MAP7D2: variants seen among roughly 807,000 people sequenced by gnomAD.
MAP7D2 encodes MAP7 domain containing 2.
A neutral mutation model predicts 63.5 loss-of-function variants in MAP7D2; 33 were observed. The observed-to-expected ratio is 0.52, with a 90% CI of 0.39 to 0.70. The LOEUF is 0.70. Among genes scored for constraint, MAP7D2 ranks in the 30% least tolerant of loss-of-function variants. The pLI is 0.00. For synonymous variants in MAP7D2, 224 were observed against 223.7 expected, an observed-to-expected ratio of 1.00 and a Z score of -0.01; for missense variants, 626 against 604.0, an observed-to-expected ratio of 1.04 and a Z score of -0.38.
At chrX:20,082,660 G>A (rs1450414404) in intron 1 of MAP7D2, among the ~76,000 whole-genome samples, 1 of 111,823 alleles carries the variant, frequency 8.9e-6, no homozygotes, top group African/African-American at 3.3e-5. Flanking sequence ...ACGGAGTCTC[G>A]CACTGTTGTC....
chrX:20,016,067 A>C (rs753847613), intron 11 of MAP7D2, 27 bp downstream of exon 11: 51 of 1,152,986 alleles, frequency 4.4e-5, no homozygotes, highest in Middle Eastern at 2.4e-4. Context: ...AAAACAAGTA[A>C]AGTCCATCTG....
chrX:20,107,251 G>A (rs1426361398), intron 1 of MAP7D2, among the ~76,000 whole-genome samples: 1 of 110,785 alleles, frequency 9.0e-6, no homozygotes, highest in Non-Finnish European at 1.9e-5. Context: ...AGGAAAGTGT[G>A]GTTAAGGGAG....
chrX:20,076,719 G>T (rs1433255805), intron 1 of MAP7D2, among the ~76,000 whole-genome samples: 1 of 109,556 alleles, frequency 9.1e-6, no homozygotes, highest in Non-Finnish European at 1.9e-5. Flanking sequence ...AAAAAAAATT[G>T]TATACAGATG....
intron 1 of MAP7D2, 57 bp from the exon 2 acceptor site, chrX:20,064,862 A>T (rs934890507): frequency 3.8e-6 from 4 of 1,053,926 alleles, no homozygotes; most frequent in Non-Finnish European, 5.3e-6. Context: ...CTATCTGCTA[A>T]GTACTATAGG....
chrX:20,014,884 T>C (rs930092211), intron 12 of MAP7D2, among the ~76,000 whole-genome samples: 3 of 110,096 alleles, frequency 2.7e-5, no homozygotes, highest in African/African-American at 9.9e-5. Context: ...ACCCAGCTAT[T>C]TTTTGTATTT....
rs1293780589 is a variant in MAP7D2 at position 20,011,198 on chromosome X, T to C, written c.2073-146A>G. 1.2e-5 allele frequency: 7 copies of C among 576,901 alleles called. No homozygotes were observed. The Admixed American group carries it at 2.9e-4, about 24-fold the overall frequency. The allele number at this position is 576,901 out of a possible 1,213,427, so 47.5% of individuals were successfully genotyped here. On this transcript the variant is annotated intron_variant, in intron 15 of 16. Transcript: ENST00000379643. ...GTCAGAGTTTTTGTGTAACACACTG[T>C]AAAAAATACAAGTGGGCTCAAATCT...
chrX:20,054,417 A>G (rs2065021844), intron 4 of MAP7D2, among the ~76,000 whole-genome samples: 1 of 111,436 alleles, frequency 9.0e-6, no homozygotes, highest in African/African-American at 3.3e-5. Context: ...TTTTGCATTA[A>G]TTTGGATTTT....
At chrX:20,109,853 T>C (rs1310150643) in intron 1 of MAP7D2, among the ~76,000 whole-genome samples, 2 of 109,945 alleles carry the variant, frequency 1.8e-5, no homozygotes, top group African/African-American at 6.6e-5. Flanking sequence ...CTGGCCAACA[T>C]GGTGAAACCC....
rs140911063 is a variant in MAP7D2, at chrX:20,080,187, T to A, written c.131-15382A>T. Among the ~76,000 whole-genome samples, 673 of 110,700 alleles carry A rather than the reference T, an allele frequency of 6.1e-3. 6 individuals carry two copies. Among genetic ancestry groups the A allele is most frequent in the African/African-American group, 0.021 (648 of 30,446 alleles). On this transcript the variant is annotated intron_variant, in intron 1 of 16. Transcript: ENST00000379643. ...CATGATTTGCTAGTTAAAAGAAACC[T>A]ATACAGCTAAGCTCAGGGCTCCCTA...
intron 1 of MAP7D2, among the ~76,000 whole-genome samples, chrX:20,112,335 C>T (rs768986292): frequency 8.9e-6 from 1 of 111,992 alleles, no homozygotes; most frequent in African/African-American, 3.3e-5. Flanking sequence ...TGCATGCATG[C>T]GGCTCACTCA....
At chrX:20,055,426 AGAT>A (rs2065045809) in intron 4 of MAP7D2, among the ~76,000 whole-genome samples, 1 of 111,935 alleles carries the variant, frequency 8.9e-6, no homozygotes, top group Non-Finnish European at 1.9e-5. Flanking sequence ...TGTCTACAAC[AGAT>A]GATGAAGAGA....
At chrX:20,085,663 G>C (rs1292105008) in intron 1 of MAP7D2, among the ~76,000 whole-genome samples, 2 of 112,375 alleles carry the variant, frequency 1.8e-5, no homozygotes. Context: ...CTAAATGTAA[G>C]AAACAAAGAT....
intron 8 of MAP7D2, among the ~76,000 whole-genome samples, chrX:20,039,893 G>A (rs2064603586): frequency 9.2e-6 from 1 of 108,626 alleles, no homozygotes; most frequent in Non-Finnish European, 1.9e-5. Flanking sequence ...CAGCTACTCG[G>A]GAGGCTGAGG....
intron 1 of MAP7D2, among the ~76,000 whole-genome samples, chrX:20,091,534 G>A (rs991692304): frequency 3.6e-5 from 4 of 109,794 alleles, no homozygotes; most frequent in Admixed American, 1.9e-4. Flanking sequence ...GCCAGGCATG[G>A]TGGTAGCATT....
At position 20,036,035 on chromosome X, in the gene MAP7D2, C is replaced by T. The variant is rs987125741; in HGVS notation, c.1007+6467G>A. ...TATTCTAAGTGAACTAATGCAGAAA[C>T]AGAAAACCAGACACTGTATATTCTC... On this transcript the variant is annotated intron_variant, in intron 8 of 16. Transcript: ENST00000379643. Among the ~76,000 whole-genome samples the T allele has an allele frequency of 9.1e-5, 10 of 110,133 alleles. No homozygotes were observed. The Admixed American group carries it at 9.8e-4, about 11-fold the overall frequency.
chrX:20,091,958 A>G (rs2066081964), intron 1 of MAP7D2, among the ~76,000 whole-genome samples: 1 of 112,041 alleles, frequency 8.9e-6, no homozygotes, highest in Non-Finnish European at 1.9e-5. Context: ...AGAAATTATA[A>G]TATCTACAAT....
rs186629046 is a variant in MAP7D2, at chrX:20,080,583, T to A, written c.131-15778A>T. Among the ~76,000 whole-genome samples the A allele has an allele frequency of 7.2e-4, 79 of 109,418 alleles. 1 individual carries two copies. Among genetic ancestry groups the A allele is most frequent in the African/African-American group, 2.1e-3 (63 of 29,980 alleles). Reference sequence around the variant, plus strand: ...AGGGCTTTTGCGTGAGCTTCTGGAGTCTCACCTGATAAAGGGCTCCAATCA... The same window carrying A: ...AGGGCTTTTGCGTGAGCTTCTGGAGACTCACCTGATAAAGGGCTCCAATCA... On this transcript the variant is annotated intron_variant, in intron 1 of 16. Coordinates refer to ENST00000379643, the MANE Select transcript of MAP7D2 (RefSeq NM_001168465.2).
At chrX:20,088,295 C>CTTTTT (rs10713735) in intron 1 of MAP7D2, among the ~76,000 whole-genome samples, 1 of 86,335 alleles carries the variant, frequency 1.2e-5, no homozygotes, top group Admixed American at 1.3e-4. Context: ...CAATAGTTTT[C>CTTTTT]TTTTTTTTTT....
At chrX:20,055,123 G>C (rs1440306760) in intron 4 of MAP7D2, among the ~76,000 whole-genome samples, 1 of 108,898 alleles carries the variant, frequency 9.2e-6, no homozygotes, top group Non-Finnish European at 1.9e-5. Context: ...AATTTCTAAA[G>C]TCATTATTAA....
Sources: gnomAD v4.1 joint callset for allele counts (sites outside exome capture counted in the v4.1 genomes callset) on GRCh38, gnomAD v4.1.1 for gene constraint, MANE v1.5 for transcripts, NCBI Gene and HGNC (gene_info 2026-07-23, HGNC 2026-07-21) for gene names.